LMO7: variants seen among roughly 807,000 people sequenced by gnomAD.
The protein encoded by LMO7 is LIM domain 7.
In LMO7, 120 loss-of-function variants were observed where a neutral mutation model predicts 206.5. The ratio of observed to expected loss-of-function variants is 0.58; its 90% CI spans 0.50 to 0.68. The LOEUF (loss-of-function observed/expected upper bound fraction) is 0.68. Among genes scored for constraint, LMO7 ranks in the 30% least tolerant of loss-of-function variants. The pLI, the probability that LMO7 is intolerant of heterozygous loss-of-function variation, is 0.00. For missense variants in LMO7, 1,959 were observed against 1,957.9 expected (o/e 1.00, Z -0.01); for synonymous variants, 706 against 681.5 (o/e 1.04, Z -0.56).
In LMO7 at chr13:75,821,326, A is replaced by T; in HGVS notation, c.2357A>T (p.Tyr786Phe). The T allele has an allele frequency of 6.2e-7, 1 of 1,614,194 alleles. No homozygotes were observed. The highest frequency in any genetic ancestry group is 8.5e-7 in the Non-Finnish European group (1 of 1,180,014). The stretch of plus-strand genomic sequence containing the variant: ...AGAGTAGAAGAGAAGGGAGCAACTT[A>T]TCCTTCAGAAATTCCCAAAGAAGAT... ...SERVEEKGAT[Y>F]PSEIPKEDST... The change falls in exon 14 of 31, where the codon TAT becomes TTT. Residue 786 changes from tyrosine to phenylalanine, a missense_variant. Coordinates refer to ENST00000377534, the MANE Select transcript of LMO7 (RefSeq NM_001306080.2).
chr13:75,763,819 G>A (rs754716901), intron 4 of LMO7, among the ~76,000 whole-genome samples: 10 of 152,102 alleles, frequency 6.6e-5, no homozygotes, highest in Non-Finnish European at 1.5e-4. Context: ...GCAGAGTTGT[G>A]TATGTTGAAA....
intron 1 of LMO7, among the ~76,000 whole-genome samples, chr13:75,684,264 G>A (rs555610535): frequency 6.6e-6 from 1 of 152,088 alleles, no homozygotes; most frequent in East Asian, 1.9e-4. Context: ...ATGCAGTTTC[G>A]CTCTTGTCTC....
At chr13:75,757,657 A>G (rs548528518) in intron 3 of LMO7, among the ~76,000 whole-genome samples, 1 of 152,262 alleles carries the variant, frequency 6.6e-6, no homozygotes, top group Admixed American at 6.5e-5. Context: ...TCTTAAAGCC[A>G]TGTGTCTGTT....
intron 20 of LMO7, chr13:75,839,727 CT>C (rs35308084): frequency 0.27 from 39,624 of 145,432 alleles, 5,214 homozygotes; most frequent in South Asian, 0.41. Flanking sequence ...ATTTGAAATT[CT>C]TTTTTTTTTT....
intron 24 of LMO7, 51 bp downstream of exon 24, chr13:75,842,034 A>T (rs758315848): frequency 7.3e-6 from 10 of 1,363,134 alleles, no homozygotes; most frequent in Non-Finnish European, 8.1e-6. Context: ...TCCATTCCCC[A>T]CTTCAAAGGC....
intron 3 of LMO7, among the ~76,000 whole-genome samples, chr13:75,753,999 T>C (rs2047479514): frequency 6.6e-6 from 1 of 152,196 alleles, no homozygotes. Flanking sequence ...CCTAAAGCTA[T>C]TGACATTAAA....
chr13:75,701,128 GA>G (rs1185974456), intron 1 of LMO7, among the ~76,000 whole-genome samples: 1 of 151,816 alleles, frequency 6.6e-6, no homozygotes, highest in Non-Finnish European at 1.5e-5. Context: ...ACTAGGAATA[GA>G]TTGTAGTGAC....
At chr13:75,807,118 T>A in intron 9 of LMO7, 2 of 204,186 alleles carry the variant, frequency 9.8e-6, no homozygotes, top group Admixed American at 1.0e-4. Flanking sequence ...AGACTCTGTC[T>A]CAGAACAAAC....
intron 3 of LMO7, among the ~76,000 whole-genome samples, chr13:75,728,313 A>T (rs1237944499): frequency 6.6e-6 from 1 of 152,196 alleles, no homozygotes; most frequent in Non-Finnish European, 1.5e-5. Context: ...AATGATTGCC[A>T]TTCTAACTGG....
At position 75,850,093 on chromosome 13, in the gene LMO7, G is replaced by T. The variant is rs140194239; in HGVS notation, c.4364+801G>T. 1.7e-3 allele frequency among the ~76,000 whole-genome samples: 265 copies of T among 152,220 alleles called. 2 individuals carry two copies. Among genetic ancestry groups the T allele is most frequent in the African/African-American group, 5.9e-3 (247 of 41,536 alleles). ...AGATCTTGCCACTGCACTCCAGCCT[G>T]GATGACGGAGCAAGAGACTCTGTAT... On this transcript the variant is annotated intron_variant, in intron 27 of 30. Transcript: ENST00000377534.
At position 75,823,648 on chromosome 13, in the gene LMO7, C is replaced by G; in HGVS notation, c.2724C>G (p.Ser908Arg). The change falls in exon 15 of 31, where the codon AGC becomes AGG. Residue 908 changes from serine to arginine, a missense_variant. Physicochemically the swap from Ser to Arg is moderately radical, Grantham distance 110. Transcript: ENST00000377534. ...PNNVVSTPAP[S>R]PDASQLASSL... ...ATGTGGTCAGCACCCCTGCACCAAG[C>G]CCGGACGCAAGCCAACTGGCTTCAA... 1 of 1,614,126 alleles carries G rather than the reference C, an allele frequency of 6.2e-7. No individual in the cohort carries two copies.
intron 2 of LMO7, 44 bp from the exon 3 acceptor site, chr13:75,726,985 A>G (rs1182451255): frequency 9.2e-7 from 1 of 1,081,138 alleles, no homozygotes; most frequent in South Asian, 1.3e-5. Flanking sequence ...AAAAAACCTG[A>G]TATTGGCATC....
At chr13:75,690,875 A>T (rs1196725969) in intron 1 of LMO7, among the ~76,000 whole-genome samples, 1 of 152,196 alleles carries the variant, frequency 6.6e-6, no homozygotes, top group East Asian at 1.9e-4. Context: ...GATGAACAAT[A>T]GTTTCCACTG....
At position 75,858,055 on chromosome 13, in the gene LMO7, G is replaced by T. The variant is rs143586326; in HGVS notation, c.*112G>T. 203 of 1,326,630 alleles carry T rather than the reference G, an allele frequency of 1.5e-4. 1 individual carries two copies. In the African/African-American group the frequency reaches 2.9e-3, roughly 19 times the overall value. 82.2% of individuals were successfully genotyped at this position (1,326,630 alleles called of 1,614,324 possible). ...TTTTTTGCTTTTTTTTTAAAAAAAAGAATAACTTTTTTTGCCTCTTTAGAT... is the reference window on the plus strand; with the variant it reads ...TTTTTTGCTTTTTTTTTAAAAAAAATAATAACTTTTTTTGCCTCTTTAGAT... On this transcript the variant is annotated 3_prime_UTR_variant, in exon 31 of 31. Coordinates refer to ENST00000377534, the MANE Select transcript of LMO7 (RefSeq NM_001306080.2).
chr13:75,796,503 T>A (rs1055115252), intron 5 of LMO7, 133 bp from the exon 6 acceptor site: 1 of 599,836 alleles, frequency 1.7e-6, no homozygotes, highest in African/African-American at 1.9e-5. Context: ...TCCCATAAAC[T>A]TAAAAGAAAG....
In LMO7 at chr13:75,800,751, C is replaced by G; in HGVS notation, c.530C>G (p.Pro177Arg). The G allele has an allele frequency of 6.2e-7, 1 of 1,614,056 alleles. No homozygotes were observed. ...AGTGGCTACGGTGACATCTGGTGTCCTGAACGTGGAGAATTTCTTGCTCCT... is the reference window on the plus strand; with the variant it reads ...AGTGGCTACGGTGACATCTGGTGTCGTGAACGTGGAGAATTTCTTGCTCCT... ...RDSGYGDIWC[P>R]ERGEFLAPPR... The change falls in exon 7 of 31, where the codon CCT becomes CGT. Residue 177 changes from proline to arginine, a missense_variant. Physicochemically the swap from Pro to Arg is moderately radical, Grantham distance 103. Transcript: ENST00000377534.
At chr13:75,802,584 G>T (rs779004954) in intron 7 of LMO7, among the ~76,000 whole-genome samples, 69 of 152,154 alleles carry the variant, frequency 4.5e-4, no homozygotes, top group Non-Finnish European at 9.1e-4. Context: ...AATCTAAGTC[G>T]TCTTCTCAGA....
At position 75,763,059 on chromosome 13, in the gene LMO7, C is replaced by A. The variant is rs776328293; in HGVS notation, c.317+2021C>A. Among the ~76,000 whole-genome samples, 131 of 152,240 alleles carry A rather than the reference C, an allele frequency of 8.6e-4. 2 individuals carry two copies. The highest frequency in any genetic ancestry group is 1.5e-3 in the South Asian group (7 of 4,822). On this transcript the variant is annotated intron_variant, in intron 4 of 30. Coordinates refer to ENST00000377534, the MANE Select transcript of LMO7 (RefSeq NM_001306080.2). ...TTTAAAAATATATAATGTGGAGACTCCTTTGGGTCAAAATTCTTGTCCTGT... is the reference window on the plus strand; with the variant it reads ...TTTAAAAATATATAATGTGGAGACTACTTTGGGTCAAAATTCTTGTCCTGT...
rs146160915 is a variant in LMO7 at position 75,760,499 on chromosome 13, C to T, written c.211-433C>T. The T allele has an allele frequency of 2.2e-5, 28 of 1,283,306 alleles. No homozygotes were observed. The African/African-American group carries it at 3.8e-4, about 17-fold the overall frequency. 79.5% of individuals were successfully genotyped at this position (1,283,306 alleles called of 1,614,324 possible). On this transcript the variant is annotated intron_variant, in intron 3 of 30. Transcript: ENST00000377534. ...AGAATGTTCCTCCTCTTATTTCTTCCCTGCCAACAGTTTCTGGGTGGGTGA... is the reference window on the plus strand; with the variant it reads ...AGAATGTTCCTCCTCTTATTTCTTCTCTGCCAACAGTTTCTGGGTGGGTGA...
Sources: gnomAD v4.1 joint callset for allele counts (sites outside exome capture counted in the v4.1 genomes callset) on GRCh38, gnomAD v4.1.1 for gene constraint, MANE v1.5 for transcripts, NCBI Gene and HGNC (gene_info 2026-07-23, HGNC 2026-07-21) for gene names.